Variants in DLG2 observed in about 807,000 individuals in gnomAD.
DLG2 encodes the protein disks large homolog 2.
DLG2 carries 45 observed loss-of-function variants against 132.5 expected under a neutral mutation model. The ratio of observed to expected loss-of-function variants is 0.34; its 90% CI spans 0.27 to 0.44. The LOEUF (loss-of-function observed/expected upper bound fraction) is 0.44. Ranked by LOEUF, DLG2 falls within the 20% of genes least tolerant of loss-of-function variation. DLG2 has a pLI of 1.00. For missense variants in DLG2, 1,045 were observed against 1,196.9 expected, an observed-to-expected ratio of 0.87 and a Z score of 1.87; for synonymous variants, 424 against 419.6, an observed-to-expected ratio of 1.01 and a Z score of -0.13.
chr11:83,810,995 T>C (rs971521932), intron 17 of DLG2, among the ~76,000 whole-genome samples: 2 of 152,132 alleles, frequency 1.3e-5, no homozygotes, highest in Non-Finnish European at 2.9e-5. Context: ...TAACTGGTAT[T>C]GTATTTTGGA....
chr11:84,321,319 T>G (rs2098403435), intron 7 of DLG2, among the ~76,000 whole-genome samples: 1 of 152,208 alleles, frequency 6.6e-6, no homozygotes, highest in Non-Finnish European at 1.5e-5. Flanking sequence ...CTTGCTCTAA[T>G]TCTCTCTCAC....
intron 17 of DLG2, among the ~76,000 whole-genome samples, chr11:83,828,718 C>A (rs1480990640): frequency 1.3e-5 from 2 of 152,178 alleles, no homozygotes; most frequent in Non-Finnish European, 2.9e-5. Flanking sequence ...CCTCCTTATA[C>A]ATGGGTATCT....
intron 15 of DLG2, among the ~76,000 whole-genome samples, chr11:83,886,831 C>T (rs1158600733): frequency 6.6e-6 from 1 of 152,082 alleles, no homozygotes; most frequent in African/African-American, 2.4e-5. Flanking sequence ...AACTGAACAA[C>T]CTGCTCCTGA....
chr11:84,935,377 T>C (rs1204034005), intron 6 of DLG2, among the ~76,000 whole-genome samples: 1 of 152,186 alleles, frequency 6.6e-6, no homozygotes, highest in Non-Finnish European at 1.5e-5. Flanking sequence ...ACTGTTTAAA[T>C]ACAGTCCCAG....
chr11:84,741,097 C>T, intron 6 of DLG2, among the ~76,000 whole-genome samples: 1 of 114,560 alleles, frequency 8.7e-6, no homozygotes, highest in Admixed American at 1.2e-4. Flanking sequence ...GATGGAGTCT[C>T]GTTCTGTCGC....
intron 6 of DLG2, among the ~76,000 whole-genome samples, chr11:84,954,614 C>G (rs2051396439): frequency 6.6e-6 from 1 of 152,166 alleles, no homozygotes; most frequent in African/African-American, 2.4e-5. Context: ...AACCTAATTA[C>G]AAATGGCCGC....
chr11:83,701,444 A>G (rs1027905272), intron 18 of DLG2, among the ~76,000 whole-genome samples: 22 of 152,204 alleles, frequency 1.4e-4, no homozygotes, highest in African/African-American at 5.3e-4. Flanking sequence ...GTATTCATTC[A>G]TCCATCCATT....
chr11:83,536,382 G>A (rs895832258), intron 20 of DLG2, among the ~76,000 whole-genome samples: 5 of 152,102 alleles, frequency 3.3e-5, no homozygotes, highest in Non-Finnish European at 5.9e-5. Context: ...ACAGAGGCTT[G>A]CAGTACTGCT....
At chr11:83,921,700 CT>C (rs2077956696) in intron 15 of DLG2, among the ~76,000 whole-genome samples, 1 of 152,108 alleles carries the variant, frequency 6.6e-6, no homozygotes, top group South Asian at 2.1e-4. Context: ...GCTTTTGAAG[CT>C]GTGCTTATTC....
chr11:84,152,954 C>G (rs2095337983), intron 9 of DLG2, among the ~76,000 whole-genome samples: 1 of 152,182 alleles, frequency 6.6e-6, no homozygotes, highest in Non-Finnish European at 1.5e-5. Flanking sequence ...GTGCTATGCA[C>G]TTAAGTGTGT....
At chr11:84,192,976 T>G (rs2096443070) in intron 8 of DLG2, among the ~76,000 whole-genome samples, 1 of 152,156 alleles carries the variant, frequency 6.6e-6, no homozygotes, top group Non-Finnish European at 1.5e-5. Context: ...TTGAAATGCC[T>G]GCTTTAAAAT....
chr11:84,825,063 A>G (rs963617161), intron 6 of DLG2, among the ~76,000 whole-genome samples: 1 of 151,680 alleles, frequency 6.6e-6, no homozygotes, highest in Non-Finnish European at 1.5e-5. Flanking sequence ...TCACTTCATC[A>G]CCTATTTATT....
chr11:84,007,681 C>T (rs558255418), intron 11 of DLG2, among the ~76,000 whole-genome samples: 10 of 151,490 alleles, frequency 6.6e-5, no homozygotes, highest in South Asian at 4.2e-4. Flanking sequence ...TTTTCTAATA[C>T]GTAAAGAGAT....
intron 19 of DLG2, among the ~76,000 whole-genome samples, chr11:83,551,672 C>A (rs1350232064): frequency 6.6e-6 from 1 of 152,088 alleles, no homozygotes; most frequent in African/African-American, 2.4e-5. Flanking sequence ...AGGGAACTTA[C>A]CCTTCTAAAT....
At chr11:85,177,294 C>CT (rs2079351808) in intron 4 of DLG2, among the ~76,000 whole-genome samples, 1 of 145,990 alleles carries the variant, frequency 6.8e-6, no homozygotes, top group Admixed American at 6.8e-5. Context: ...TATACACACA[C>CT]ACACACACAC....
At chr11:84,548,798 T>G (rs985001290) in intron 6 of DLG2, among the ~76,000 whole-genome samples, 16 of 152,106 alleles carry the variant, frequency 1.1e-4, no homozygotes, top group African/African-American at 3.6e-4. Flanking sequence ...GTCAGCAGCT[T>G]GACTCACATT....
At chr11:84,343,177 C>A (rs892614368) in intron 7 of DLG2, among the ~76,000 whole-genome samples, 1 of 152,022 alleles carries the variant, frequency 6.6e-6, no homozygotes, top group Non-Finnish European at 1.5e-5. Flanking sequence ...TTTGATGAAT[C>A]GATAGACATT....
chr11:83,874,699 T>C (rs573046521), intron 15 of DLG2, among the ~76,000 whole-genome samples: 1 of 152,132 alleles, frequency 6.6e-6, no homozygotes, highest in Non-Finnish European at 1.5e-5. Flanking sequence ...ACACAGATCA[T>C]TTATTTAAAA....
chr11:84,971,924 C>A (rs2054152859), intron 6 of DLG2, among the ~76,000 whole-genome samples: 1 of 151,974 alleles, frequency 6.6e-6, no homozygotes, highest in Admixed American at 6.6e-5. Flanking sequence ...CCCAAAGAAC[C>A]AAGGGAGAAT....
Sources: gnomAD v4.1 joint callset for allele counts (sites outside exome capture counted in the v4.1 genomes callset) on GRCh38, gnomAD v4.1.1 for gene constraint, MANE v1.5 for transcripts, NCBI Gene and HGNC (gene_info 2026-07-23, HGNC 2026-07-21) for gene names.